Variants in IZUMO2 observed in about 807,000 individuals in gnomAD.
IZUMO2 encodes the protein IZUMO family member 2.
Under a neutral mutation model 31.2 loss-of-function variants are expected in IZUMO2, and 24 were observed. That is an observed-to-expected ratio of 0.77 (90% CI 0.56 to 1.08). The LOEUF is 1.08. IZUMO2 is among the 50% of genes least tolerant of loss of function. The probability of loss-of-function intolerance (pLI) is 0.00; values close to 1 mark genes in which losing one functional copy is unlikely to be tolerated. For missense variants in IZUMO2, 278 were observed against 274.0 expected, an observed-to-expected ratio of 1.01 and a Z score of -0.10; for synonymous variants, 144 against 117.3, an observed-to-expected ratio of 1.23 and a Z score of -1.47.
chr19:50,161,000 C>T (rs992104198), intron 2 of IZUMO2, among the ~76,000 whole-genome samples: 4 of 152,144 alleles, frequency 2.6e-5, no homozygotes, highest in East Asian at 1.9e-4. Flanking sequence ...ACTGAACCCT[C>T]GTTATTCTCC....
intron 5 of IZUMO2, among the ~76,000 whole-genome samples, chr19:50,155,445 G>A (rs1258886377): frequency 1.3e-5 from 2 of 152,142 alleles, no homozygotes; most frequent in Non-Finnish European, 2.9e-5. Flanking sequence ...ACATGAGAGG[G>A]AGGTGCAAAA....
At position 50,153,997 on chromosome 19, in the gene IZUMO2, G is replaced by A. The variant is rs544431126; in HGVS notation, c.623+603C>T. Among the ~76,000 whole-genome samples the A allele has an allele frequency of 1.7e-4, 23 of 137,272 alleles. No homozygotes were observed. The South Asian group carries it at 2.8e-3, about 17-fold the overall frequency. The allele number at this position is 137,272 out of a possible 152,430, so 90.1% of individuals were successfully genotyped here. A position where few individuals can be genotyped will look rare whatever the true frequency, so the allele number is the denominator to read the frequency against. On this transcript the variant is annotated intron_variant, in intron 6 of 6. Transcript: ENST00000293405. ...AGACGGAGAGGGGAAGAGAGGGGCC[G>A]GAGAAGGGGCTGGGGGGGAGGGGGA...
intron 5 of IZUMO2, 37 bp downstream of exon 5, chr19:50,158,231 G>A (rs1205599530): frequency 1.1e-5 from 15 of 1,379,318 alleles, no homozygotes; most frequent in East Asian, 4.7e-5. Context: ...TCTCTTGCAC[G>A]CCTGTCCCAT....
chr19:50,161,091 C>G (rs1214469240), intron 2 of IZUMO2, among the ~76,000 whole-genome samples: 1 of 151,910 alleles, frequency 6.6e-6, no homozygotes, highest in Non-Finnish European at 1.5e-5. Context: ...AATTCAAAAT[C>G]CTTGGTGCTT....
At chr19:50,154,454 GAGAC>G (rs2123046758) in intron 6 of IZUMO2, 142 bp downstream of exon 6, 1 of 670,890 alleles carries the variant, frequency 1.5e-6, no homozygotes, top group East Asian at 2.9e-5. Context: ...AGGGAGGAGA[GAGAC>G]AGAGAGAAAA....
chr19:50,161,126 C>CTTTTT (rs398040395), intron 2 of IZUMO2, among the ~76,000 whole-genome samples: 11 of 139,690 alleles, frequency 7.9e-5, no homozygotes, highest in African/African-American at 2.9e-4. Flanking sequence ...TTTCCTTTTT[C>CTTTTT]TTTTTTTTTT....
rs537532079 is a variant in IZUMO2 at position 50,162,766 on chromosome 19, G to A, written c.280C>T (p.Gln94Ter). 4.3e-6 allele frequency: 7 copies of A among 1,614,030 alleles called. No individual in the cohort carries two copies. The Admixed American group carries it at 8.3e-5, about 19-fold the overall frequency. Residue 94 changes from glutamine to a stop codon, truncating the protein, a stop_gained, in exon 2 of 7, where the codon CAG becomes TAG. Coordinates refer to ENST00000293405, the MANE Select transcript of IZUMO2 (RefSeq NM_152358.3). LOFTEE classifies it high-confidence loss of function. ...TTCAGAGAGTTACCCATTAAGTGCT[G>A]CGTTTGGTTCTTGACAAAGGACGCC... ...LVASFVKNQT[Q>*]HLMGNSLKDE... is the part of the protein sequence containing the mutation.
chr19:50,159,618 C>T, intron 2 of IZUMO2, 38 bp from the exon 3 acceptor site: 1 of 1,266,622 alleles, frequency 7.9e-7, no homozygotes, highest in Non-Finnish European at 1.2e-6. Context: ...GTGGGAGGCA[C>T]CCAGAAAGCC....
chr19:50,159,878 C>T (rs1488931645), intron 2 of IZUMO2: 2 of 242,814 alleles, frequency 8.2e-6, no homozygotes, highest in Non-Finnish European at 1.6e-5. Context: ...GACGGAGTCT[C>T]ACTCTGTTGC....
At position 50,159,513 on chromosome 19, in the gene IZUMO2, T is replaced by G. The variant is rs768585990; in HGVS notation, c.375A>C (p.Leu125Phe). ...CTGCACCTTTTAATTCATATGAAAT[T>G]AAAACTTTCTTGAATTCCTTGATCA... ...ANVIKEFKKV[L>F]ISYELKACNP... Residue 125 changes from leucine to phenylalanine, a missense_variant, in exon 3 of 7, where the codon TTA (leucine) becomes TTC (phenylalanine). Coordinates refer to ENST00000293405, the MANE Select transcript of IZUMO2 (RefSeq NM_152358.3). 1.9e-6 allele frequency: 3 copies of G among 1,611,532 alleles called. No individual in the cohort carries two copies. The highest frequency in any genetic ancestry group is 2.5e-6 in the Non-Finnish European group (3 of 1,177,868).
chr19:50,159,410 G>A lies in IZUMO2; in HGVS notation c.394+84C>T. 8.8e-6 allele frequency: 11 copies of A among 1,243,930 alleles called. No individual in the cohort carries two copies. The South Asian group carries it at 1.4e-4, about 16-fold the overall frequency. 77.1% of individuals were successfully genotyped at this position (1,243,930 alleles called of 1,614,324 possible). On this transcript the variant is annotated intron_variant, in intron 3 of 6. Transcript: ENST00000293405. Reference sequence around the variant, plus strand: ...GCTGAGCTATAGGGGAGGTGAAGAAGGAGTTTGGGAGAAAAAGTGGTAAAA... The same window carrying A: ...GCTGAGCTATAGGGGAGGTGAAGAAAGAGTTTGGGAGAAAAAGTGGTAAAA...
At position 50,154,711 on chromosome 19, in the gene IZUMO2, C is replaced by G; in HGVS notation, c.512G>C (p.Arg171Pro). 6.2e-7 allele frequency: 1 copy of G among 1,613,694 alleles called. No homozygotes were observed. Among genetic ancestry groups the G allele is most frequent in the Non-Finnish European group, 8.5e-7 (1 of 1,179,824 alleles). The part of the protein sequence containing the change: ...KKYCFVDRQP[R>P]VALQYQMDSK... ...GTCCATCTGGTACTGCAGGGCCACG[C>G]GGGGTTGCCGGTCGACTGGGGCGGG... Residue 171 changes from arginine to proline, a missense_variant, in exon 6 of 7, where the codon CGC becomes CCC. By Grantham distance (103) the Arg-to-Pro change is moderately radical. Coordinates refer to ENST00000293405, the MANE Select transcript of IZUMO2 (RefSeq NM_152358.3).
chr19:50,157,172 G>C (rs2030236924), intron 5 of IZUMO2, among the ~76,000 whole-genome samples: 1 of 152,166 alleles, frequency 6.6e-6, no homozygotes, highest in South Asian at 2.1e-4. Flanking sequence ...AGGCCTGTCT[G>C]AGGAAGTGAC....
chr19:50,162,210 C>T (rs574725891), intron 2 of IZUMO2, among the ~76,000 whole-genome samples: 36 of 152,100 alleles, frequency 2.4e-4, no homozygotes, highest in Admixed American at 2.0e-3. Context: ...TTGAACCCGG[C>T]AGGCGGAAGC....
At position 50,154,729 on chromosome 19, in the gene IZUMO2, G is replaced by A. The variant is rs1737608622; in HGVS notation, c.497-3C>T. 6.2e-7 allele frequency: 1 copy of A among 1,613,226 alleles called. No homozygotes were observed. Among genetic ancestry groups the A allele is most frequent in the African/African-American group, 1.3e-5 (1 of 74,900 alleles). On this transcript the variant is annotated splice_region_variant and splice_polypyrimidine_tract_variant and intron_variant, in intron 5 of 6. Transcript: ENST00000293405. ...GGCCACGCGGGGTTGCCGGTCGACTGGGGCGGGTGGGGAAACAGCCCCGAC... is the reference window on the plus strand; with the variant it reads ...GGCCACGCGGGGTTGCCGGTCGACTAGGGCGGGTGGGGAAACAGCCCCGAC...
intron 5 of IZUMO2, among the ~76,000 whole-genome samples, chr19:50,156,586 G>A (rs915485314): frequency 8.6e-5 from 13 of 151,408 alleles, no homozygotes; most frequent in Admixed American, 6.6e-5. Flanking sequence ...CTTTTTCAAT[G>A]CCAATGTCAT....
At chr19:50,157,219 CAG>C (rs1186242345) in intron 5 of IZUMO2, among the ~76,000 whole-genome samples, 5 of 151,720 alleles carry the variant, frequency 3.3e-5, no homozygotes, top group Non-Finnish European at 7.4e-5. Flanking sequence ...GTGATTGGAA[CAG>C]TGTGACAGAG....
At position 50,163,197 on chromosome 19, in the gene IZUMO2, C is replaced by A. The variant is rs1315970132; in HGVS notation, c.-3G>T. ...AGAAGGGTCAAAGCCAGAGGCATGG[C>A]GGGGCCTTTGTGACGTCACAGAGAG... On this transcript the variant is annotated 5_prime_UTR_variant, in exon 1 of 7. Coordinates refer to ENST00000293405, the MANE Select transcript of IZUMO2 (RefSeq NM_152358.3). 3 of 1,546,296 alleles carry A rather than the reference C, an allele frequency of 1.9e-6. No homozygotes were observed. The Admixed American group carries it at 6.0e-5, about 31-fold the overall frequency.
chr19:50,155,831 A>C (rs781626254), intron 5 of IZUMO2, among the ~76,000 whole-genome samples: 9 of 152,190 alleles, frequency 5.9e-5, no homozygotes, highest in Non-Finnish European at 1.2e-4. Context: ...ATGCTCTTGC[A>C]AGCCCTGCAC....
Sources: gnomAD v4.1 joint callset for allele counts (sites outside exome capture counted in the v4.1 genomes callset) on GRCh38, gnomAD v4.1.1 for gene constraint, MANE v1.5 for transcripts, NCBI Gene and HGNC (gene_info 2026-07-23, HGNC 2026-07-21) for gene names.